Variants in PRKCH observed in about 807,000 individuals in gnomAD.
PRKCH encodes protein kinase C eta type.
Under a neutral mutation model 82.5 loss-of-function variants are expected in PRKCH, and 28 were observed. That is an observed-to-expected ratio of 0.34 (90% confidence interval 0.25 to 0.47). PRKCH has a LOEUF of 0.47. Ranked by LOEUF, PRKCH falls within the 20% of genes least tolerant of loss-of-function variation. The pLI is 1.00. For missense variants in PRKCH, 705 were observed against 881.8 expected (o/e 0.80, Z 2.54); for synonymous variants, 322 against 327.4 (o/e 0.98, Z 0.18).
chr14:61,486,936 T>G (rs1374505155), intron 10 of PRKCH, among the ~76,000 whole-genome samples: 3 of 152,240 alleles, frequency 2.0e-5, no homozygotes, highest in Non-Finnish European at 4.4e-5. Flanking sequence ...TTTATTAACC[T>G]TGTTAAATGC....
chr14:61,335,733 C>A (rs1242022371), intron 1 of PRKCH, among the ~76,000 whole-genome samples: 1 of 152,186 alleles, frequency 6.6e-6, no homozygotes. Flanking sequence ...TGGCATCTCC[C>A]TGAATATTTC....
At chr14:61,455,508 G>A (rs946508696) in intron 7 of PRKCH, among the ~76,000 whole-genome samples, 4 of 152,108 alleles carry the variant, frequency 2.6e-5, no homozygotes, top group African/African-American at 7.2e-5. Flanking sequence ...TTTGAAATCC[G>A]GTCTGTCTGT....
intron 10 of PRKCH, among the ~76,000 whole-genome samples, chr14:61,505,489 CCTCAGCCTCCT>C: frequency 6.9e-6 from 1 of 144,184 alleles, no homozygotes; most frequent in Non-Finnish European, 1.5e-5. Flanking sequence ...AATTCTCCTG[CCTCAGCCTCCT>C]GAGTAGCTGG....
chr14:61,442,251 A>G (rs1018273100), intron 2 of PRKCH, among the ~76,000 whole-genome samples: 1 of 152,212 alleles, frequency 6.6e-6, no homozygotes, highest in Non-Finnish European at 1.5e-5. Flanking sequence ...GAGTCCTCAG[A>G]TTAGAAGCCA....
chr14:61,388,918 A>G (rs2046630921), intron 1 of PRKCH, among the ~76,000 whole-genome samples: 1 of 152,216 alleles, frequency 6.6e-6, no homozygotes, highest in South Asian at 2.1e-4. Flanking sequence ...ATAGGTTGTT[A>G]TACAGGTTAA....
Position 61,359,892 on chromosome 14 carries a change from A to T in PRKCH, c.364-31333A>T, listed in dbSNP as rs1841704025. Among the ~76,000 whole-genome samples, 4 of 152,364 alleles carry T rather than the reference A, an allele frequency of 2.6e-5. No individual in the cohort carries two copies. In the South Asian group the frequency reaches 8.3e-4, roughly 32 times the overall value. On this transcript the variant is annotated intron_variant, in intron 1 of 13. Coordinates refer to ENST00000332981, the MANE Select transcript of PRKCH (RefSeq NM_006255.5). ...TAGAACATTTCTATTATTGCACATT[A>T]TTCTACTGGACAATGCTGTTTTAGG...
At chr14:61,350,640 G>T (rs2046060841) in intron 1 of PRKCH, among the ~76,000 whole-genome samples, 1 of 152,072 alleles carries the variant, frequency 6.6e-6, no homozygotes, top group Admixed American at 6.6e-5. Context: ...CCATGGAGGG[G>T]TCATAACACT....
At chr14:61,375,496 T>C (rs1385068206) in intron 1 of PRKCH, among the ~76,000 whole-genome samples, 5 of 152,008 alleles carry the variant, frequency 3.3e-5, no homozygotes, top group African/African-American at 1.2e-4. Context: ...TGAGACTGGG[T>C]AATTCATGAA....
intron 10 of PRKCH, among the ~76,000 whole-genome samples, chr14:61,521,463 A>T (rs911199740): frequency 7.9e-5 from 12 of 152,180 alleles, no homozygotes; most frequent in Admixed American, 7.2e-4. Flanking sequence ...CACTCACAAG[A>T]GTATCATATC....
chr14:61,384,061 C>T (rs933192883), intron 1 of PRKCH, among the ~76,000 whole-genome samples: 1 of 151,974 alleles, frequency 6.6e-6, no homozygotes, highest in Non-Finnish European at 1.5e-5. Flanking sequence ...TGGGGTGTTC[C>T]ATGACTGCAG....
chr14:61,499,813 C>T (rs1030350467), intron 10 of PRKCH, among the ~76,000 whole-genome samples: 8 of 151,534 alleles, frequency 5.3e-5, no homozygotes, highest in African/African-American at 1.9e-4. Flanking sequence ...GGAAATTTCG[C>T]CTTTCTGTTG....
At chr14:61,211,887 C>T (rs1179645392) in intron 1 of PRKCH, among the ~76,000 whole-genome samples, 1 of 152,150 alleles carries the variant, frequency 6.6e-6, no homozygotes, top group Non-Finnish European at 1.5e-5. Flanking sequence ...AAATAACCTG[C>T]CACAGTCCTA....
rs546327648 is a variant in PRKCH, at chr14:61,507,319, T to C, written c.1433+21663T>C. Among the ~76,000 whole-genome samples the C allele has an allele frequency of 2.0e-5, 3 of 152,238 alleles. No individual in the cohort carries two copies. The East Asian group carries it at 5.8e-4, about 29-fold the overall frequency. On this transcript the variant is annotated intron_variant, in intron 10 of 13. Coordinates refer to ENST00000332981, the MANE Select transcript of PRKCH (RefSeq NM_006255.5). ...CAAGGGTGTGGAGAAAAGGGAACCCTATGCACTGTTGGTGGAAATGTAAAT... is the reference window on the plus strand; with the variant it reads ...CAAGGGTGTGGAGAAAAGGGAACCCCATGCACTGTTGGTGGAAATGTAAAT...
At chr14:61,205,755 G>A (rs1407184185) in intron 1 of PRKCH, among the ~76,000 whole-genome samples, 4 of 152,182 alleles carry the variant, frequency 2.6e-5, no homozygotes, top group Non-Finnish European at 4.4e-5. Context: ...AGCTAACTAG[G>A]AATGGTAGTC....
chr14:61,413,419 G>A (rs868038670), intron 2 of PRKCH, among the ~76,000 whole-genome samples: 4 of 49,774 alleles, frequency 8.0e-5, no homozygotes, highest in South Asian at 1.2e-3. Context: ...CCCCCGCCCC[G>A]CCCATGTACC....
chr14:61,316,573 TG>T (rs1178188735), intron 1 of PRKCH, among the ~76,000 whole-genome samples: 1 of 152,154 alleles, frequency 6.6e-6, no homozygotes, highest in Non-Finnish European at 1.5e-5. Context: ...GTGATCAGCG[TG>T]GGATGTGTAG....
At chr14:61,243,948 T>A (rs2044860622) in intron 1 of PRKCH, among the ~76,000 whole-genome samples, 1 of 148,512 alleles carries the variant, frequency 6.7e-6, no homozygotes, top group Non-Finnish European at 1.5e-5. Flanking sequence ...TCATCTTAAT[T>A]AAAAAAAAAA....
At chr14:61,296,519 A>G (rs1469995525) in intron 1 of PRKCH, among the ~76,000 whole-genome samples, 4 of 152,162 alleles carry the variant, frequency 2.6e-5, no homozygotes, top group African/African-American at 9.7e-5. Flanking sequence ...GAACCAATGG[A>G]TCTCAGCTCA....
At position 61,323,957 on chromosome 14, in the gene PRKCH, G is replaced by A. The variant is rs571832960; in HGVS notation, c.363+1493G>A. Among the ~76,000 whole-genome samples the A allele has an allele frequency of 2.9e-3, 435 of 152,298 alleles. 3 individuals are homozygous for A. Among genetic ancestry groups the A allele is most frequent in the Non-Finnish European group, 4.7e-3 (318 of 68,012 alleles). On this transcript the variant is annotated intron_variant, in intron 1 of 13. Transcript: ENST00000332981. ...TTATGGTGGTGCAGATTGGCCAGTG[G>A]CCATGAGAAGCATCTCTTCCTGGAG...
Sources: gnomAD v4.1 joint callset for allele counts (sites outside exome capture counted in the v4.1 genomes callset) on GRCh38, gnomAD v4.1.1 for gene constraint, MANE v1.5 for transcripts, NCBI Gene and HGNC (gene_info 2026-07-23, HGNC 2026-07-21) for gene names.